TSPAN9: variants seen among roughly 807,000 people sequenced by gnomAD.
TSPAN9 encodes tetraspanin-9.
TSPAN9 carries 16 observed loss-of-function variants against 31.0 expected under a neutral mutation model. The observed-to-expected ratio is 0.52, with a 90% CI of 0.35 to 0.78. The LOEUF is 0.78. TSPAN9 is among the 30% of genes least tolerant of loss of function. TSPAN9 has a pLI of 0.01. For missense variants in TSPAN9, 272 were observed against 312.5 expected, an observed-to-expected ratio of 0.87 and a Z score of 0.98; for synonymous variants, 145 against 121.6, an observed-to-expected ratio of 1.19 and a Z score of -1.27.
chr12:3,131,226 G>T (rs2098329712), intron 2 of TSPAN9, among the ~76,000 whole-genome samples: 1 of 148,968 alleles, frequency 6.7e-6, no homozygotes, highest in Admixed American at 6.9e-5. Flanking sequence ...GGCCTTCGAG[G>T]TTGGTGGTGT....
At chr12:3,164,121 G>T (rs2098347009) in intron 2 of TSPAN9, among the ~76,000 whole-genome samples, 1 of 152,198 alleles carries the variant, frequency 6.6e-6, no homozygotes, top group Non-Finnish European at 1.5e-5. Flanking sequence ...AGTCCCTGAT[G>T]AGAGGAAAGG....
chr12:3,224,380 T>A (rs552581359), intron 3 of TSPAN9, among the ~76,000 whole-genome samples: 1 of 152,196 alleles, frequency 6.6e-6, no homozygotes, highest in Non-Finnish European at 1.5e-5. Flanking sequence ...TGGAGATCTG[T>A]GGAGCGTCAG....
At chr12:3,145,105 C>A (rs10774123) in intron 2 of TSPAN9, among the ~76,000 whole-genome samples, 4 of 152,032 alleles carry the variant, frequency 2.6e-5, no homozygotes, top group Non-Finnish European at 4.4e-5. Flanking sequence ...TTCTTCCCCC[C>A]ACTCCCTTGT....
At chr12:3,089,991 C>T (rs935214446) in intron 2 of TSPAN9, among the ~76,000 whole-genome samples, 1 of 152,108 alleles carries the variant, frequency 6.6e-6, no homozygotes, top group African/African-American at 2.4e-5. Flanking sequence ...CCAAACATTA[C>T]ATAAATTATA....
chr12:3,264,727 T>A (rs903740499), intron 3 of TSPAN9, among the ~76,000 whole-genome samples: 5 of 152,152 alleles, frequency 3.3e-5, no homozygotes, highest in African/African-American at 1.2e-4. Context: ...TCATAATGGC[T>A]TTCATTTATA....
intron 2 of TSPAN9, 111 bp from the exon 3 acceptor site, chr12:3,201,066 C>A: frequency 1.9e-6 from 2 of 1,050,944 alleles, no homozygotes; most frequent in South Asian, 3.0e-5. Context: ...ACCGCGGGCT[C>A]CCGGGGCCAG....
intron 2 of TSPAN9, among the ~76,000 whole-genome samples, chr12:3,145,108 TC>T (rs1357477332): frequency 1.3e-5 from 2 of 152,112 alleles, no homozygotes; most frequent in African/African-American, 2.4e-5. Flanking sequence ...TTCCCCCCAC[TC>T]CCTTGTGAGC....
At position 3,278,423 on chromosome 12, in the gene TSPAN9, CTG is replaced by C. The variant is rs1354645614; in HGVS notation, c.69_70del (p.Cys23TrpfsTer121). The C allele has an allele frequency of 3.1e-6, 5 of 1,614,158 alleles. No homozygotes were observed. The highest frequency in any genetic ancestry group is 3.4e-6 in the Non-Finnish European group (4 of 1,179,992). ...MFLFNLIFWL[C>X]GCGLLGVGIW... Reference sequence around the variant, plus strand: ...AATGGGCTTTCCTTCCTTTCCAGCTCTGTGGCTGTGGGCTGCTGGGAGTGGGC... The same window carrying C: ...AATGGGCTTTCCTTCCTTTCCAGCTCTGGCTGTGGGCTGCTGGGAGTGGGC... On this transcript the variant is annotated frameshift_variant, in exon 4 of 9. Coordinates refer to ENST00000011898, the MANE Select transcript of TSPAN9 (RefSeq NM_006675.5). LOFTEE classifies it high-confidence loss of function.
intron 2 of TSPAN9, among the ~76,000 whole-genome samples, chr12:3,105,188 C>T (rs891546375): frequency 6.6e-6 from 1 of 152,160 alleles, no homozygotes; most frequent in Non-Finnish European, 1.5e-5. Flanking sequence ...GAGGCCTGAG[C>T]TTTCTGCCGC....
intron 2 of TSPAN9, among the ~76,000 whole-genome samples, chr12:3,198,125 A>T (rs1440637791): frequency 5.0e-4 from 44 of 88,070 alleles, no homozygotes; most frequent in African/African-American, 2.1e-3. Flanking sequence ...CCACCAGCAC[A>T]GGCCACCACC....
chr12:3,260,734 G>T (rs949177271), intron 3 of TSPAN9, among the ~76,000 whole-genome samples: 1 of 152,232 alleles, frequency 6.6e-6, no homozygotes, highest in African/African-American at 2.4e-5. Flanking sequence ...GGAGGGGCAG[G>T]GAGGGCGCAG....
At chr12:3,279,681 A>G (rs1862859877) in intron 5 of TSPAN9, among the ~76,000 whole-genome samples, 1 of 152,196 alleles carries the variant, frequency 6.6e-6, no homozygotes, top group Non-Finnish European at 1.5e-5. Context: ...GGTACCATGC[A>G]CTCCAGAACT....
At chr12:3,282,013 G>T (rs1009566934) in intron 8 of TSPAN9, 196 bp downstream of exon 8, 2 of 750,642 alleles carry the variant, frequency 2.7e-6, no homozygotes. Context: ...ACTCAGCACT[G>T]AGAGTGGTGC....
At chr12:3,140,167 A>G (rs1371395883) in intron 2 of TSPAN9, among the ~76,000 whole-genome samples, 1 of 151,752 alleles carries the variant, frequency 6.6e-6, no homozygotes, top group Non-Finnish European at 1.5e-5. Context: ...ATCTGTAAGG[A>G]ATTAAGTCCT....
At chr12:3,127,738 GTTGT>G (rs2098327996) in intron 2 of TSPAN9, among the ~76,000 whole-genome samples, 1 of 152,130 alleles carries the variant, frequency 6.6e-6, no homozygotes, top group Non-Finnish European at 1.5e-5. Flanking sequence ...CAGTAACATA[GTTGT>G]TTATTATTCT....
chr12:3,252,140 ACT>A (rs1259149953), intron 3 of TSPAN9, among the ~76,000 whole-genome samples: 2 of 151,392 alleles, frequency 1.3e-5, no homozygotes, highest in African/African-American at 4.9e-5. Flanking sequence ...CGCACTTAAA[ACT>A]CTGCATACCT....
chr12:3,176,191 G>A (rs924736265), intron 2 of TSPAN9, among the ~76,000 whole-genome samples: 3 of 152,210 alleles, frequency 2.0e-5, no homozygotes, highest in African/African-American at 7.2e-5. Flanking sequence ...TCACCCCAGT[G>A]CCCCTTCTCC....
intron 2 of TSPAN9, among the ~76,000 whole-genome samples, chr12:3,159,965 A>G (rs998559880): frequency 2.0e-5 from 3 of 152,218 alleles, no homozygotes; most frequent in African/African-American, 7.2e-5. Flanking sequence ...TGTATATTTA[A>G]TATACAACTC....
chr12:3,110,323 A>G (rs937353775), intron 2 of TSPAN9, among the ~76,000 whole-genome samples: 1 of 152,206 alleles, frequency 6.6e-6, no homozygotes, highest in Non-Finnish European at 1.5e-5. Flanking sequence ...GGAAATATTA[A>G]CAGCTCAATA....
Sources: allele counts gnomAD v4.1 joint callset (sites outside exome capture counted in the v4.1 genomes callset), GRCh38; gene constraint gnomAD v4.1.1; transcripts MANE v1.5; gene names NCBI Gene and HGNC (gene_info 2026-07-23, HGNC 2026-07-21).